Variants in PKN2 observed in about 807,000 individuals in gnomAD.
PKN2 encodes the protein serine/threonine-protein kinase N2.
PKN2 carries 38 observed loss-of-function variants against 119.1 expected under a neutral mutation model. That is an observed-to-expected ratio of 0.32 (90% CI 0.25 to 0.42). PKN2 has a LOEUF of 0.42. Among genes scored for constraint, PKN2 ranks in the 10% least tolerant of loss-of-function variants. The probability of loss-of-function intolerance (pLI) is 1.00; values close to 1 mark genes in which losing one functional copy is unlikely to be tolerated. For missense variants in PKN2, 850 were observed against 1,165.1 expected (o/e 0.73, Z 3.94); for synonymous variants, 390 against 384.9 (o/e 1.01, Z -0.15).
intron 1 of PKN2, among the ~76,000 whole-genome samples, chr1:88,702,295 G>C (rs1666807429): frequency 6.6e-6 from 1 of 152,058 alleles, no homozygotes; most frequent in African/African-American, 2.4e-5. Flanking sequence ...GCTTAAAATG[G>C]GATAGTTGGA....
Position 88,741,076 on chromosome 1 carries a change from A to T in PKN2, c.137A>T (p.Asp46Val). The change falls in exon 2 of 22, where the codon GAT becomes GTT. Residue 46 changes from aspartate (D) to valine (V), a missense_variant. This residue lies in a region of PKN2 where 73 missense variants were observed against 61.2 expected (regional missense o/e 1.19). Transcript: ENST00000370521. ...FSDTMVQQKL[D>V]DIKDRIKREI... ...GATACAATGGTGCAGCAGAAATTGG[A>T]TGATATCAAGGATCGAATTAAGAGA... 1 of 1,609,464 alleles carries T rather than the reference A, an allele frequency of 6.2e-7. No homozygotes were observed. Among genetic ancestry groups the T allele is most frequent in the Non-Finnish European group, 8.5e-7 (1 of 1,178,230 alleles).
chr1:88,831,380 C>T (rs993097994), intron 19 of PKN2, among the ~76,000 whole-genome samples: 1 of 151,480 alleles, frequency 6.6e-6, no homozygotes, highest in African/African-American at 2.4e-5. Flanking sequence ...CATTGAAATT[C>T]CCATTGAGAA....
rs146054357 is a variant in PKN2 at position 88,717,841 on chromosome 1, C to T, written c.49-23147C>T. Among the ~76,000 whole-genome samples, 1,520 of 152,170 alleles carry T rather than the reference C, an allele frequency of 1.0e-2. 20 individuals carry two copies. The highest frequency in any genetic ancestry group is 0.035 in the African/African-American group (1,435 of 41,528). On this transcript the variant is annotated intron_variant, in intron 1 of 21. Coordinates refer to ENST00000370521, the MANE Select transcript of PKN2 (RefSeq NM_006256.4). ...CCATCCATCTTTGTTCTCTTGTTGG[C>T]AAGGAGCTGCGATCCTTTAGAGGAG...
Position 88,770,349 on chromosome 1 carries a change from T to C in PKN2, c.505-3T>C. On this transcript the variant is annotated splice_region_variant and splice_polypyrimidine_tract_variant and intron_variant, in intron 3 of 21. Transcript: ENST00000370521. Reference sequence around the variant, plus strand: ...TAATTTTTCAAACTTATTTTTTTAATAGGATCGGAAACTCCATGGTACAGC... The same window carrying C: ...TAATTTTTCAAACTTATTTTTTTAACAGGATCGGAAACTCCATGGTACAGC... 6.4e-7 allele frequency: 1 copy of C among 1,568,612 alleles called. No individual in the cohort carries two copies. Among genetic ancestry groups the C allele is most frequent in the South Asian group, 1.1e-5 (1 of 88,252 alleles).
intron 1 of PKN2, among the ~76,000 whole-genome samples, chr1:88,702,600 T>G (rs1206800445): frequency 6.6e-6 from 1 of 152,342 alleles, no homozygotes; most frequent in African/African-American, 2.4e-5. Flanking sequence ...AGAATTGTTT[T>G]ATTTTATCCC....
At chr1:88,820,549 A>T (rs1480062423) in intron 16 of PKN2, among the ~76,000 whole-genome samples, 2 of 150,738 alleles carry the variant, frequency 1.3e-5, no homozygotes, top group Non-Finnish European at 2.9e-5. Context: ...AAAAATAAAT[A>T]AAATAAATAA....
chr1:88,819,800 C>G (rs1672170693), intron 16 of PKN2, among the ~76,000 whole-genome samples: 1 of 152,124 alleles, frequency 6.6e-6, no homozygotes, highest in Non-Finnish European at 1.5e-5. Flanking sequence ...AAATGTGGCA[C>G]ATATACACCA....
chr1:88,794,398 C>G (rs1314207941), intron 8 of PKN2, among the ~76,000 whole-genome samples: 1 of 151,674 alleles, frequency 6.6e-6, no homozygotes, highest in Admixed American at 6.6e-5. Context: ...AATATGCCAG[C>G]CTTTCACCAG....
intron 1 of PKN2, among the ~76,000 whole-genome samples, chr1:88,689,494 T>C (rs193254786): frequency 5.0e-4 from 76 of 152,270 alleles, no homozygotes; most frequent in Middle Eastern, 3.4e-3. Context: ...AATATTTCAA[T>C]TATGAGTCAC....
chr1:88,715,129 G>T (rs956282044), intron 1 of PKN2, among the ~76,000 whole-genome samples: 1 of 152,180 alleles, frequency 6.6e-6, no homozygotes, highest in Non-Finnish European at 1.5e-5. Flanking sequence ...AAGCCAAGTT[G>T]ATCTTGGTGG....
intron 8 of PKN2, among the ~76,000 whole-genome samples, chr1:88,795,530 T>C (rs1671027291): frequency 1.3e-5 from 2 of 152,218 alleles, no homozygotes; most frequent in African/African-American, 4.8e-5. Flanking sequence ...TCTACTGCCA[T>C]TATAGGTTCT....
At chr1:88,787,478 G>A (rs1024556478) in intron 8 of PKN2, among the ~76,000 whole-genome samples, 4 of 152,158 alleles carry the variant, frequency 2.6e-5, no homozygotes, top group African/African-American at 4.8e-5. Context: ...GTAAATTTCA[G>A]GACTGGTACT....
At chr1:88,720,317 A>C (rs974657559) in intron 1 of PKN2, among the ~76,000 whole-genome samples, 8 of 152,078 alleles carry the variant, frequency 5.3e-5, no homozygotes, top group African/African-American at 1.9e-4. Context: ...ACCGCGCCTG[A>C]CCAAAACTTG....
chr1:88,813,450 T>A, intron 15 of PKN2, 107 bp from the exon 16 acceptor site: 1 of 725,492 alleles, frequency 1.4e-6, no homozygotes, highest in South Asian at 2.1e-5. Context: ...GATTTTTAAG[T>A]TATAGTTAAA....
intron 1 of PKN2, among the ~76,000 whole-genome samples, chr1:88,723,647 T>G (rs1667784773): frequency 1.3e-5 from 2 of 152,200 alleles, no homozygotes; most frequent in Admixed American, 6.5e-5. Context: ...GGTCTTGAAC[T>G]CCTGGTGTCA....
intron 2 of PKN2, among the ~76,000 whole-genome samples, chr1:88,743,008 T>G (rs1046524303): frequency 2.6e-5 from 4 of 152,102 alleles, no homozygotes; most frequent in African/African-American, 9.7e-5. Flanking sequence ...CTGGCCAACA[T>G]GGTGAAAACC....
chr1:88,832,249 G>C (rs937124321), intron 19 of PKN2, among the ~76,000 whole-genome samples: 3 of 151,900 alleles, frequency 2.0e-5, no homozygotes, highest in African/African-American at 7.2e-5. Context: ...TCCGCAGATT[G>C]CCTTCCTTTA....
intron 16 of PKN2, among the ~76,000 whole-genome samples, chr1:88,816,067 G>C (rs1029282111): frequency 6.6e-6 from 1 of 151,882 alleles, no homozygotes; most frequent in Non-Finnish European, 1.5e-5. Context: ...TTGAACCCCA[G>C]AGGCAGAGGT....
chr1:88,821,966 G>T lies in PKN2; in HGVS notation c.2305G>T (p.Gly769Trp). 1 of 1,577,994 alleles carries T rather than the reference G, an allele frequency of 6.3e-7. No individual in the cohort carries two copies. Among genetic ancestry groups the T allele is most frequent in the South Asian group, 1.2e-5 (1 of 83,984 alleles). The stretch of plus-strand genomic sequence containing the variant: ...ATTTTATGCTGCTTGTGTAGTTCTT[G>T]GGTTGCAGTATTTACATGAACACAA... ...AVFYAACVVL[G>W]LQYLHEHKIV... The change falls in exon 17 of 22, where the codon GGG becomes TGG. Residue 769 changes from glycine (G) to tryptophan (W), a missense_variant. Around this residue, in one of 9 missense-constraint regions of PKN2, gnomAD observed 55 missense variants for 85.9 expected, o/e 0.64. Coordinates refer to ENST00000370521, the MANE Select transcript of PKN2 (RefSeq NM_006256.4).
Sources: gnomAD v4.1 joint callset for allele counts (sites outside exome capture counted in the v4.1 genomes callset) on GRCh38, gnomAD v4.1.1 for gene constraint, gnomAD v4.1.1 regional missense constraint, MANE v1.5 for transcripts, NCBI Gene and HGNC (gene_info 2026-07-23, HGNC 2026-07-21) for gene names.